TNFAIP8: variants seen among roughly 807,000 people sequenced by gnomAD.
The protein encoded by TNFAIP8 is TNF alpha induced protein 8.
TNFAIP8 carries 7 observed loss-of-function variants against 13.3 expected under a neutral mutation model. That is an observed-to-expected ratio of 0.52 (90% CI 0.30 to 0.99). The LOEUF (loss-of-function observed/expected upper bound fraction) is 0.99, where lower values mean the gene tolerates loss of function less well. TNFAIP8 is among the 50% of genes least tolerant of loss of function. The pLI, the probability that TNFAIP8 is intolerant of heterozygous loss-of-function variation, is 0.07. For synonymous variants in TNFAIP8, 94 were observed against 87.6 expected, an observed-to-expected ratio of 1.07 and a Z score of -0.41; for missense variants, 258 against 236.9, an observed-to-expected ratio of 1.09 and a Z score of -0.58.
At chr5:119,357,243 C>T (rs531986076) in intron 1 of TNFAIP8, among the ~76,000 whole-genome samples, 52 of 152,244 alleles carry the variant, frequency 3.4e-4, no homozygotes, top group African/African-American at 1.3e-3. Context: ...AATAGAAATA[C>T]GGGGCTGGCA....
intron 1 of TNFAIP8, among the ~76,000 whole-genome samples, chr5:119,346,834 A>C (rs771074057): frequency 6.6e-6 from 1 of 152,300 alleles, no homozygotes. Context: ...ACTGGCACAT[A>C]ATTTGGGGAC....
chr5:119,286,846 T>G (rs114742190), intron 1 of TNFAIP8, among the ~76,000 whole-genome samples: 1,657 of 152,270 alleles, frequency 0.011, 21 homozygotes, highest in African/African-American at 0.032. Context: ...TTGTCAGGAT[T>G]AAATAGAACA....
intron 1 of TNFAIP8, among the ~76,000 whole-genome samples, chr5:119,306,061 G>A (rs1749543439): frequency 6.6e-6 from 1 of 152,098 alleles, no homozygotes; most frequent in Non-Finnish European, 1.5e-5. Context: ...CTATATTGCT[G>A]TTTCACACCT....
At chr5:119,300,516 CCTGA>C (rs1749354537) in intron 1 of TNFAIP8, among the ~76,000 whole-genome samples, 1 of 152,208 alleles carries the variant, frequency 6.6e-6, no homozygotes, top group South Asian at 2.1e-4. Flanking sequence ...ATATTGCATT[CCTGA>C]CTCAGTCTAT....
chr5:119,378,101 A>T (rs958267336), intron 1 of TNFAIP8, among the ~76,000 whole-genome samples: 2 of 152,312 alleles, frequency 1.3e-5, no homozygotes, highest in East Asian at 1.9e-4. Flanking sequence ...TAAATTTCCC[A>T]ATTTTCTAAC....
At chr5:119,360,863 A>G (rs1470424308) in intron 1 of TNFAIP8, among the ~76,000 whole-genome samples, 3 of 152,254 alleles carry the variant, frequency 2.0e-5, no homozygotes, top group Non-Finnish European at 4.4e-5. Context: ...ACTCAAGAGA[A>G]TAAAACATGA....
intron 1 of TNFAIP8, among the ~76,000 whole-genome samples, chr5:119,359,182 C>A (rs888891828): frequency 1.3e-5 from 2 of 152,156 alleles, no homozygotes; most frequent in African/African-American, 4.8e-5. Flanking sequence ...CCAGTCAGCC[C>A]ATATCCTTCC....
chr5:119,279,475 G>A (rs902715133), intron 1 of TNFAIP8, among the ~76,000 whole-genome samples: 1 of 152,190 alleles, frequency 6.6e-6, no homozygotes, highest in African/African-American at 2.4e-5. Context: ...AGTGTGAGAT[G>A]TGTCATCTTG....
intron 1 of TNFAIP8, among the ~76,000 whole-genome samples, chr5:119,340,534 C>G (rs965443718): frequency 6.6e-6 from 1 of 152,154 alleles, no homozygotes; most frequent in African/African-American, 2.4e-5. Flanking sequence ...ACTTGCTGGG[C>G]CTGTTTTCTC....
At chr5:119,291,811 C>G (rs6876958) in intron 1 of TNFAIP8, among the ~76,000 whole-genome samples, 137,849 of 152,278 alleles carry the variant, frequency 0.91, 62,524 homozygotes, top group East Asian at 0.99. Flanking sequence ...GAGATTTCTT[C>G]TTTCAAACTA....
At chr5:119,386,887 C>T (rs998378579) in intron 1 of TNFAIP8, among the ~76,000 whole-genome samples, 1 of 152,134 alleles carries the variant, frequency 6.6e-6, no homozygotes, top group Non-Finnish European at 1.5e-5. Flanking sequence ...CAGCTTGCTG[C>T]CATGGTCGTT....
intron 1 of TNFAIP8, among the ~76,000 whole-genome samples, chr5:119,348,890 AAAAAAAAAAAAAAAAAAG>A (rs1562011473): frequency 1.7e-5 from 1 of 58,542 alleles, no homozygotes; most frequent in African/African-American, 1.6e-4. Context: ...CAAAAAAAAA[AAAAAAAAAAAAAAAAAAG>A]AATAGACAAC....
intron 1 of TNFAIP8, among the ~76,000 whole-genome samples, chr5:119,275,090 G>GAACACAACATATAAAATA (rs1748398993): frequency 1.3e-5 from 2 of 149,218 alleles, no homozygotes; most frequent in Admixed American, 6.7e-5. Flanking sequence ...AGATTAAAAT[G>GAACACAACATATAAAATA]AACACAACAT....
intron 1 of TNFAIP8, among the ~76,000 whole-genome samples, chr5:119,313,958 CAAAAT>C (rs1749807192): frequency 6.6e-6 from 1 of 152,162 alleles, no homozygotes; most frequent in South Asian, 2.1e-4. Context: ...AAGGGACAAA[CAAAAT>C]TAAGTTAGTT....
chr5:119,348,880 CAA>C (rs60633145), intron 1 of TNFAIP8, among the ~76,000 whole-genome samples: 213 of 90,872 alleles, frequency 2.3e-3, no homozygotes, highest in African/African-American at 5.5e-3. Flanking sequence ...AACTCCATCT[CAA>C]AAAAAAAAAA....
chr5:119,336,510 A>G (rs1750555959), intron 1 of TNFAIP8, among the ~76,000 whole-genome samples: 2 of 149,808 alleles, frequency 1.3e-5, no homozygotes, highest in South Asian at 2.1e-4. Flanking sequence ...CAAACACAGA[A>G]AGCCTTAGAC....
At chr5:119,322,976 A>T (rs1321051271) in intron 1 of TNFAIP8, among the ~76,000 whole-genome samples, 1 of 152,210 alleles carries the variant, frequency 6.6e-6, no homozygotes, top group Non-Finnish European at 1.5e-5. Context: ...TCAATGACCC[A>T]GGTAACTATC....
chr5:119,280,530 C>T (rs1231631153), intron 1 of TNFAIP8, among the ~76,000 whole-genome samples: 4 of 152,114 alleles, frequency 2.6e-5, no homozygotes, highest in African/African-American at 9.7e-5. Context: ...TTTCCTGTAT[C>T]TGGATCCAGA....
At chr5:119,385,806 C>T (rs1049857052) in intron 1 of TNFAIP8, among the ~76,000 whole-genome samples, 7 of 152,176 alleles carry the variant, frequency 4.6e-5, no homozygotes, top group Admixed American at 4.6e-4. Context: ...TACTAAAGAG[C>T]ATCAGAATGT....
Sources: gnomAD v4.1 joint callset for allele counts (sites outside exome capture counted in the v4.1 genomes callset) on GRCh38, gnomAD v4.1.1 for gene constraint, MANE v1.5 for transcripts, NCBI Gene and HGNC (gene_info 2026-07-23, HGNC 2026-07-21) for gene names.